Variants in ETFA observed in about 807,000 individuals in gnomAD.
ETFA encodes electron transfer flavoprotein subunit alpha.
In ETFA, 22 loss-of-function variants were observed where a neutral mutation model predicts 46.2. The ratio of observed to expected loss-of-function variants is 0.48; its 90% CI spans 0.34 to 0.68. The LOEUF (loss-of-function observed/expected upper bound fraction) is 0.68. Among genes scored for constraint, ETFA ranks in the 30% least tolerant of loss-of-function variants. The pLI, the probability that ETFA is intolerant of heterozygous loss-of-function variation, is 0.01. For synonymous variants in ETFA, 131 were observed against 139.9 expected (o/e 0.94, Z 0.45); for missense variants, 345 against 401.1 (o/e 0.86, Z 1.19).
chr15:76,217,459 A>C (rs2038908117), intron 11 of ETFA: 1 of 331,636 alleles, frequency 3.0e-6, no homozygotes, highest in Non-Finnish European at 6.2e-6. Context: ...ATTCAATATC[A>C]TCACTCTTTA....
chr15:76,242,300 G>A (rs1160474383), intron 9 of ETFA, among the ~76,000 whole-genome samples: 2 of 152,168 alleles, frequency 1.3e-5, no homozygotes, highest in African/African-American at 2.4e-5. Context: ...GGGAAACAGA[G>A]CTGCCACCCA....
chr15:76,285,897 G>C (rs2039700853), intron 6 of ETFA, among the ~76,000 whole-genome samples, 159 bp from the exon 7 acceptor site: 1 of 152,196 alleles, frequency 6.6e-6, no homozygotes, highest in Admixed American at 6.5e-5. Flanking sequence ...ATAATGGAAA[G>C]ACTTAAGGAG....
chr15:76,292,703 A>C lies in ETFA; in HGVS notation c.187-3T>G, dbSNP rs776759882. The C allele has an allele frequency of 1.2e-6, 2 of 1,602,506 alleles. No homozygotes were observed. The highest frequency in any genetic ancestry group is 1.7e-6 in the Non-Finnish European group (2 of 1,169,402). ...ACTTTACAGAGATCTTGTGCCACCT[A>C]TGATTAAAAGATAAGTTCCTAATTA... On this transcript the variant is annotated splice_polypyrimidine_tract_variant and splice_region_variant and intron_variant, in intron 2 of 11. Transcript: ENST00000557943.
At chr15:76,250,700 ATT>A (rs982001871) in intron 9 of ETFA, among the ~76,000 whole-genome samples, 1 of 144,414 alleles carries the variant, frequency 6.9e-6, no homozygotes, top group Non-Finnish European at 1.5e-5. Context: ...ACCCAACTAA[ATT>A]TTTTTTTTTT....
chr15:76,298,521 T>C (rs1274154218), intron 1 of ETFA, among the ~76,000 whole-genome samples: 1 of 152,214 alleles, frequency 6.6e-6, no homozygotes, highest in Non-Finnish European at 1.5e-5. Context: ...TAAGCAGTTT[T>C]ATACATAGTA....
chr15:76,261,306 C>T (rs115727956), intron 9 of ETFA: 91 of 1,514,474 alleles, frequency 6.0e-5, no homozygotes, highest in Non-Finnish European at 7.2e-5. Context: ...CACCTACTAC[C>T]GTGAGCCACA....
chr15:76,253,820 G>A (rs1204229245), intron 9 of ETFA, among the ~76,000 whole-genome samples: 1 of 152,150 alleles, frequency 6.6e-6, no homozygotes, highest in African/African-American at 2.4e-5. Flanking sequence ...ATTATTTAGG[G>A]AGATAATAAT....
intron 7 of ETFA, among the ~76,000 whole-genome samples, chr15:76,284,647 T>C (rs1474370639): frequency 2.0e-5 from 3 of 150,566 alleles, no homozygotes; most frequent in East Asian, 2.1e-4. Context: ...TCCACCACCA[T>C]GCCCAGCTAA....
At chr15:76,294,688 T>C (rs2039800398) in intron 2 of ETFA, among the ~76,000 whole-genome samples, 1 of 152,196 alleles carries the variant, frequency 6.6e-6, no homozygotes, top group Admixed American at 6.5e-5. Flanking sequence ...TAGCTGGGAC[T>C]ACAGGCATGC....
rs80039524 is a variant in ETFA at position 76,259,669 on chromosome 15, G to T, written c.816+14743C>A. ...GCACAGCCCTAACAATAGTAGCCCC[G>T]CTGTAGATCTTCCAGGAGAGTCCAA... On this transcript the variant is annotated intron_variant, in intron 9 of 11. Coordinates refer to ENST00000557943, the MANE Select transcript of ETFA (RefSeq NM_000126.4). 1,112 of 932,560 alleles carry T rather than the reference G, an allele frequency of 1.2e-3. 13 individuals carry two copies. In the African/African-American group the frequency reaches 0.016, roughly 14 times the overall value. The allele number at this position is 932,560 out of a possible 1,614,324, so 57.8% of individuals were successfully genotyped here. A position where few individuals can be genotyped will look rare whatever the true frequency, so the allele number is the denominator to read the frequency against.
intron 9 of ETFA, 27 bp downstream of exon 9, chr15:76,274,385 C>G (rs2039572802): frequency 7.2e-6 from 11 of 1,519,316 alleles, no homozygotes; most frequent in Non-Finnish European, 8.2e-6. Context: ...TAACATTTTA[C>G]ACAGCATATT....
intron 9 of ETFA, among the ~76,000 whole-genome samples, chr15:76,256,815 T>C (rs1490510638): frequency 6.6e-6 from 1 of 152,162 alleles, no homozygotes; most frequent in Non-Finnish European, 1.5e-5. Context: ...TAGCACAACA[T>C]ATTAACTTTT....
In ETFA at chr15:76,287,920, T is replaced by C; in HGVS notation, c.377A>G (p.Lys126Arg). Residue 126 changes from lysine (K) to arginine (R), a missense_variant, in exon 5 of 12, where the codon AAA (lysine) becomes AGA (arginine). Physicochemically the swap from Lys to Arg is conservative, Grantham distance 26 (BLOSUM62 2). Coordinates refer to ENST00000557943, the MANE Select transcript of ETFA (RefSeq NM_000126.4). Reference protein sequence around the residue: ...GKNLLPRVAAKLEVAPISDII... With the variant: ...GKNLLPRVAARLEVAPISDII... ...GTCAGAAATCGGGGCAACCTCAAGT[T>C]TGGCTGCTACTCTGGGCAAAAGGTT... 6.2e-7 allele frequency: 1 copy of C among 1,614,060 alleles called. No homozygotes were observed. Among genetic ancestry groups the C allele is most frequent in the Non-Finnish European group, 8.5e-7 (1 of 1,179,914 alleles).
chr15:76,262,412 T>C (rs1373974906), intron 9 of ETFA, among the ~76,000 whole-genome samples: 2 of 151,396 alleles, frequency 1.3e-5, no homozygotes, highest in Non-Finnish European at 2.9e-5. Context: ...TTAAGAAGCT[T>C]GCTATCTGAA....
chr15:76,281,273 G>T (rs2039647889), intron 8 of ETFA, among the ~76,000 whole-genome samples: 1 of 152,032 alleles, frequency 6.6e-6, no homozygotes, highest in African/African-American at 2.4e-5. Context: ...CCAAAGTGCT[G>T]GGATTCCAGG....
chr15:76,272,200 A>G (rs563298067), intron 9 of ETFA, among the ~76,000 whole-genome samples: 11 of 150,864 alleles, frequency 7.3e-5, no homozygotes, highest in African/African-American at 2.4e-4. Context: ...ACTTCAGTGT[A>G]TATCTCTGAA....
chr15:76,271,728 G>A (rs541825571), intron 9 of ETFA, among the ~76,000 whole-genome samples: 1 of 152,150 alleles, frequency 6.6e-6, no homozygotes, highest in South Asian at 2.1e-4. Flanking sequence ...ACCTATTTGG[G>A]GATGATCACA....
intron 9 of ETFA, among the ~76,000 whole-genome samples, chr15:76,234,367 C>CAAT (rs1226643127): frequency 3.3e-5 from 5 of 152,044 alleles, no homozygotes; most frequent in African/African-American, 9.7e-5. Context: ...TTTTGTATTT[C>CAAT]AATAATAATA....
chr15:76,263,376 G>A (rs2039437426), intron 9 of ETFA, among the ~76,000 whole-genome samples: 1 of 152,238 alleles, frequency 6.6e-6, no homozygotes, highest in South Asian at 2.1e-4. Context: ...GAACGCTAGA[G>A]CATGTGAAAG....
Sources: gnomAD v4.1 joint callset for allele counts (sites outside exome capture counted in the v4.1 genomes callset) on GRCh38, gnomAD v4.1.1 for gene constraint, MANE v1.5 for transcripts, NCBI Gene and HGNC (gene_info 2026-07-23, HGNC 2026-07-21) for gene names.